ESRRG: variants seen among roughly 807,000 people sequenced by gnomAD.
The protein encoded by ESRRG is estrogen related receptor gamma, also known as estrogen-related receptor gamma.
Under a neutral mutation model 44.0 loss-of-function variants are expected in ESRRG, and 13 were observed. The ratio of observed to expected loss-of-function variants is 0.30; its 90% CI spans 0.19 to 0.47. The LOEUF (loss-of-function observed/expected upper bound fraction) is 0.47. ESRRG is among the 20% of genes least tolerant of loss of function. ESRRG has a pLI of 1.00. For missense variants in ESRRG, 395 were observed against 580.6 expected, an observed-to-expected ratio of 0.68 and a Z score of 3.29; for synonymous variants, 215 against 214.6, an observed-to-expected ratio of 1.00 and a Z score of -0.02.
At chr1:217,026,319 T>C (rs11572426) in intron 1 of ESRRG, among the ~76,000 whole-genome samples, 76 of 152,330 alleles carry the variant, frequency 5.0e-4, no homozygotes, top group African/African-American at 1.8e-3. Context: ...TGCCAAGAAA[T>C]GCTTCATTTC....
At chr1:217,101,323 G>A (rs1393217716) in intron 1 of ESRRG, among the ~76,000 whole-genome samples, 3 of 152,170 alleles carry the variant, frequency 2.0e-5, no homozygotes, top group Admixed American at 1.3e-4. Context: ...ACCTCCTAGG[G>A]ATGCTGACAG....
chr1:217,057,636 G>C (rs1313288533), intron 1 of ESRRG, among the ~76,000 whole-genome samples: 2 of 151,970 alleles, frequency 1.3e-5, no homozygotes, highest in African/African-American at 4.8e-5. Flanking sequence ...AAACAGAACA[G>C]ATAATCTAAT....
chr1:216,812,945 A>T (rs538530586), intron 2 of ESRRG, among the ~76,000 whole-genome samples: 6 of 152,338 alleles, frequency 3.9e-5, no homozygotes, highest in African/African-American at 1.4e-4. Flanking sequence ...ATATACAAAA[A>T]TATCAGGCTC....
At chr1:216,668,844 T>G (rs2074541396) in intron 2 of ESRRG, among the ~76,000 whole-genome samples, 1 of 152,128 alleles carries the variant, frequency 6.6e-6, no homozygotes. Context: ...AAAAATATTC[T>G]GAAAAGGGAA....
At chr1:216,748,280 A>G (rs1049405632) in intron 2 of ESRRG, among the ~76,000 whole-genome samples, 2 of 152,202 alleles carry the variant, frequency 1.3e-5, no homozygotes, top group African/African-American at 2.4e-5. Flanking sequence ...TTGTGGCACC[A>G]GAATGCCTAG....
At chr1:216,658,516 T>A (rs1227427000) in intron 2 of ESRRG, among the ~76,000 whole-genome samples, 2 of 151,874 alleles carry the variant, frequency 1.3e-5, no homozygotes, top group Non-Finnish European at 2.9e-5. Context: ...GAATGTGTGA[T>A]AGGAGGGGAG....
chr1:216,788,895 C>A (rs1473968720), intron 2 of ESRRG, among the ~76,000 whole-genome samples: 1 of 152,082 alleles, frequency 6.6e-6, no homozygotes, highest in Non-Finnish European at 1.5e-5. Flanking sequence ...GAGGGAGGAG[C>A]TGTAGTTGTG....
chr1:216,951,513 C>A (rs1215018229), intron 1 of ESRRG, among the ~76,000 whole-genome samples: 2 of 152,014 alleles, frequency 1.3e-5, no homozygotes, highest in Non-Finnish European at 2.9e-5. Context: ...AAGACTTCAA[C>A]TGCTTGGTTG....
chr1:216,846,891 T>A (rs2095759248), intron 2 of ESRRG, among the ~76,000 whole-genome samples: 1 of 151,818 alleles, frequency 6.6e-6, no homozygotes, highest in Admixed American at 6.6e-5. Flanking sequence ...GTATATATAT[T>A]TATATATATA....
At chr1:217,007,801 C>T (rs1286308085) in intron 1 of ESRRG, among the ~76,000 whole-genome samples, 1 of 151,988 alleles carries the variant, frequency 6.6e-6, no homozygotes, top group Non-Finnish European at 1.5e-5. Context: ...TACTATATGC[C>T]AAACACTGTT....
chr1:217,055,671 G>A (rs902074168), intron 1 of ESRRG, among the ~76,000 whole-genome samples: 38 of 152,062 alleles, frequency 2.5e-4, no homozygotes, highest in Non-Finnish European at 1.0e-4. Flanking sequence ...TCCCTCCTCA[G>A]ATATGTCTGC....
chr1:216,976,477 G>A (rs1255378799), intron 1 of ESRRG, among the ~76,000 whole-genome samples: 1 of 152,078 alleles, frequency 6.6e-6, no homozygotes, highest in Non-Finnish European at 1.5e-5. Flanking sequence ...TGTGCTGTTG[G>A]CTGTTTTATT....
intron 1 of ESRRG, among the ~76,000 whole-genome samples, chr1:217,120,178 G>T (rs1156526054): frequency 6.6e-6 from 1 of 151,988 alleles, no homozygotes; most frequent in Non-Finnish European, 1.5e-5. Context: ...TTTCTTCCAG[G>T]TTCCATGCCT....
At chr1:216,593,267 ATTG>A (rs2057965409) in intron 3 of ESRRG, among the ~76,000 whole-genome samples, 1 of 152,190 alleles carries the variant, frequency 6.6e-6, no homozygotes, top group Non-Finnish European at 1.5e-5. Context: ...TCTATTGTTA[ATTG>A]TTTTCTTTTT....
chr1:217,077,675 C>A lies in ESRRG; in HGVS notation c.-106+11832G>T, dbSNP rs1036653184. On this transcript the variant is annotated intron_variant, in intron 1 of 7. Coordinates refer to the ESRRG transcript ENST00000359162. ...TGGGTAGGATTCAATTAAGACAAAA[C>A]CTCAGTGGAATGCTCTTTACGAGTA... Among the ~76,000 whole-genome samples the A allele has an allele frequency of 2.6e-5, 4 of 152,134 alleles. No homozygotes were observed. The East Asian group carries it at 7.7e-4, about 29-fold the overall frequency.
chr1:216,888,083 A>G (rs1033151974), intron 2 of ESRRG, among the ~76,000 whole-genome samples: 2 of 152,148 alleles, frequency 1.3e-5, no homozygotes, highest in Admixed American at 1.3e-4. Flanking sequence ...GTGCAATCAC[A>G]ATTTACTGAG....
At chr1:216,850,082 T>C (rs998704962) in intron 2 of ESRRG, among the ~76,000 whole-genome samples, 2 of 152,158 alleles carry the variant, frequency 1.3e-5, no homozygotes, top group African/African-American at 2.4e-5. Context: ...TTACAGAACA[T>C]TTATTATGTC....
intron 5 of ESRRG, among the ~76,000 whole-genome samples, chr1:216,541,241 A>C (rs984168687): frequency 1.3e-5 from 2 of 152,024 alleles, no homozygotes; most frequent in African/African-American, 4.8e-5. Flanking sequence ...TTTTCATGAT[A>C]TTTTAATTGT....
At chr1:217,002,980 A>G (rs1010516032) in intron 1 of ESRRG, among the ~76,000 whole-genome samples, 14 of 152,182 alleles carry the variant, frequency 9.2e-5, no homozygotes, top group African/African-American at 3.4e-4. Flanking sequence ...TTAAGCCATG[A>G]AAGCTTTTGT....
Sources: allele counts gnomAD v4.1 joint callset (sites outside exome capture counted in the v4.1 genomes callset), GRCh38; gene constraint gnomAD v4.1.1; transcripts MANE v1.5; gene names NCBI Gene and HGNC (gene_info 2026-07-23, HGNC 2026-07-21).